ANKRD11: variants seen among roughly 807,000 people sequenced by gnomAD.
ANKRD11 encodes ankyrin repeat domain 11.
In ANKRD11, 17 loss-of-function variants were observed where a neutral mutation model predicts 195.7. The observed-to-expected ratio is 0.09, with a 90% confidence interval of 0.06 to 0.13. The LOEUF (loss-of-function observed/expected upper bound fraction) is 0.13. Ranked by LOEUF, ANKRD11 falls within the 10% of genes least tolerant of loss-of-function variation. The probability of loss-of-function intolerance (pLI) is 1.00; values close to 1 mark genes in which losing one functional copy is unlikely to be tolerated. For missense variants in ANKRD11, 3,735 were observed against 3,566.1 expected (o/e 1.05, Z -1.21); for synonymous variants, 1,953 against 1,528.1 (o/e 1.28, Z -6.49).
intron 3 of ANKRD11, among the ~76,000 whole-genome samples, chr16:89,309,000 G>A (rs1211890554): frequency 1.3e-5 from 2 of 152,210 alleles, no homozygotes; most frequent in African/African-American, 2.4e-5. Flanking sequence ...TCTGGAATAA[G>A]ACTGGGCTCA....
chr16:89,435,702 G>C (rs2043185472), intron 1 of ANKRD11, among the ~76,000 whole-genome samples: 1 of 150,992 alleles, frequency 6.6e-6, no homozygotes, highest in South Asian at 2.1e-4. Context: ...TTCACACGCA[G>C]ACGTACTTTC....
At chr16:89,320,625 G>A (rs897775434) in intron 2 of ANKRD11, among the ~76,000 whole-genome samples, 2 of 152,032 alleles carry the variant, frequency 1.3e-5, no homozygotes, top group Admixed American at 1.3e-4. Flanking sequence ...AGGGTGGTGG[G>A]AGTCCCCCAC....
rs181474679 is a variant in ANKRD11, at chr16:89,473,289, C to G, written c.-145+16956G>C. Among the ~76,000 whole-genome samples, 83 of 152,274 alleles carry G rather than the reference C, an allele frequency of 5.5e-4. 1 individual carries two copies. The highest frequency in any genetic ancestry group is 1.9e-3 in the African/African-American group (80 of 41,564). On this transcript the variant is annotated intron_variant, in intron 1 of 12. Coordinates refer to ENST00000301030, the MANE Select transcript of ANKRD11 (RefSeq NM_013275.6). ...GCAGGAAGCAAAGACCTCAAGAACT[C>G]TGATGAGTCCATACTTACTACTGAA...
intron 2 of ANKRD11, among the ~76,000 whole-genome samples, chr16:89,349,981 A>G (rs540848958): frequency 6.6e-6 from 1 of 152,270 alleles, no homozygotes; most frequent in African/African-American, 2.4e-5. Flanking sequence ...AAAAATCAGC[A>G]GACAACCCGA....
intron 2 of ANKRD11, among the ~76,000 whole-genome samples, chr16:89,404,099 C>G (rs1005275956): frequency 6.6e-6 from 1 of 152,190 alleles, no homozygotes; most frequent in Non-Finnish European, 1.5e-5. Flanking sequence ...AAGCTGCTAG[C>G]CCGGCACATG....
chr16:89,424,974 G>C (rs1297613111), intron 1 of ANKRD11, among the ~76,000 whole-genome samples: 1 of 152,004 alleles, frequency 6.6e-6, no homozygotes, highest in East Asian at 1.9e-4. Context: ...GTTCTATTAA[G>C]GCCACAGTTC....
intron 1 of ANKRD11, among the ~76,000 whole-genome samples, chr16:89,432,242 C>T (rs1597385530): frequency 8.1e-6 from 1 of 123,802 alleles, no homozygotes; most frequent in East Asian, 2.4e-4. Context: ...GCAGTACACA[C>T]ACACACACAC....
In ANKRD11 at chr16:89,279,884, C is replaced by T; in HGVS notation, c.6658G>A (p.Ala2220Thr). 6.3e-7 allele frequency: 1 copy of T among 1,596,936 alleles called. No homozygotes were observed. The highest frequency in any genetic ancestry group is 8.5e-7 in the Non-Finnish European group (1 of 1,173,346). ...TCCGGCACCGTCTCCGCCTCCACCG[C>T]AGCTTCTAGAGCCACGTCCAGCTTT... is the stretch of plus-strand genomic sequence containing the variant. The part of the protein sequence containing the change: ...EPKLDVALEA[A>T]VEAETVPEER... Residue 2220 changes from alanine (A) to threonine (T), a missense_variant, in exon 9 of 13, where the codon GCG (alanine) becomes ACG (threonine). Ala to Thr is a moderately conservative substitution (Grantham distance 58). Transcript: ENST00000301030. The surrounding 1 kb of genome is among the most constrained non-coding windows in gnomAD (Gnocchi z 5.6).
At chr16:89,431,242 A>T (rs2042964711) in intron 1 of ANKRD11, 1 of 152,474 alleles carries the variant, frequency 6.6e-6, no homozygotes, top group Non-Finnish European at 1.5e-5. Context: ...TGGATGGACA[A>T]CATCTTTACC....
intron 1 of ANKRD11, among the ~76,000 whole-genome samples, chr16:89,422,781 T>C (rs993314185): frequency 7.9e-5 from 12 of 152,210 alleles, no homozygotes; most frequent in African/African-American, 2.9e-4. Flanking sequence ...TTTATTACAG[T>C]CTCCCTTTTC....
intron 3 of ANKRD11, among the ~76,000 whole-genome samples, chr16:89,312,949 G>A (rs894574506): frequency 3.9e-5 from 6 of 152,226 alleles, no homozygotes; most frequent in Non-Finnish European, 8.8e-5. Context: ...CAGACCAGAT[G>A]TGAGTCTGTA....
At chr16:89,472,655 A>G (rs1226384679) in intron 1 of ANKRD11, among the ~76,000 whole-genome samples, 1 of 152,184 alleles carries the variant, frequency 6.6e-6, no homozygotes, top group Admixed American at 6.5e-5. Context: ...GGCTGTGCAC[A>G]CCGTTTAAAT....
chr16:89,422,139 A>T (rs2042538095), intron 1 of ANKRD11: 1 of 152,098 alleles, frequency 6.6e-6, no homozygotes, highest in Non-Finnish European at 1.5e-5. Flanking sequence ...TAATACAATC[A>T]ACGGGTAAAA....
At chr16:89,483,430 G>A (rs950212817) in intron 1 of ANKRD11, among the ~76,000 whole-genome samples, 1 of 152,218 alleles carries the variant, frequency 6.6e-6, no homozygotes, top group African/African-American at 2.4e-5. Flanking sequence ...CATTTTACCT[G>A]AACTGTAAGT....
At chr16:89,486,496 C>T (rs1047523775) in intron 1 of ANKRD11, among the ~76,000 whole-genome samples, 1 of 150,458 alleles carries the variant, frequency 6.6e-6, no homozygotes, top group African/African-American at 2.5e-5. Flanking sequence ...TACACTAAGA[C>T]GCAAAGGCTG....
In ANKRD11 at chr16:89,284,268, C is replaced by G. The variant is rs1412312711; in HGVS notation, c.2274G>C (p.Leu758=). 2 of 1,613,918 alleles carry G rather than the reference C, an allele frequency of 1.2e-6. No homozygotes were observed. The highest frequency in any genetic ancestry group is 8.5e-7 in the Non-Finnish European group (1 of 1,180,010). ...TCTTTCTCTCCTCTTTGTACAGTCT[C>G]AGTTTTTCTTCTTTCGGAGACTTTT... The part of the protein sequence containing the change: ...LKEKSPKEEK[L]RLYKEERKKK... The change falls in exon 9 of 13, where the codon CTG becomes CTC. Residue 758 remains leucine, a synonymous_variant. Transcript: ENST00000301030.
At chr16:89,278,696 C>G (rs766826510) in intron 9 of ANKRD11, 1 of 485,184 alleles carries the variant, frequency 2.1e-6, no homozygotes, top group Non-Finnish European at 4.0e-6. Flanking sequence ...GGGGGCGGGG[C>G]AGGGGCAGGA....
intron 1 of ANKRD11, among the ~76,000 whole-genome samples, chr16:89,476,718 A>G (rs1468400830): frequency 6.6e-6 from 1 of 152,230 alleles, no homozygotes; most frequent in Non-Finnish European, 1.5e-5. Context: ...CTAGAGGTAT[A>G]CTACACTTCC....
rs542078381 is a variant in ANKRD11 at position 89,333,367 on chromosome 16, A to G, written c.-59-16289T>C. The stretch of plus-strand genomic sequence containing the variant: ...TTACAGCTGAGACCCCCCTGGACAC[A>G]GCATCATCACCCACAGGCCGCACGA... On this transcript the variant is annotated intron_variant, in intron 2 of 12. Transcript: ENST00000301030. Among the ~76,000 whole-genome samples, 17 of 152,328 alleles carry G rather than the reference A, an allele frequency of 1.1e-4. No homozygotes were observed. In the South Asian group the frequency reaches 3.3e-3, roughly 30 times the overall value.
Sources: gnomAD v4.1 joint callset for allele counts (sites outside exome capture counted in the v4.1 genomes callset) on GRCh38, gnomAD v4.1.1 for gene constraint, Gnocchi (gnomAD v3.1) non-coding constraint, MANE v1.5 for transcripts, NCBI Gene and HGNC (gene_info 2026-07-23, HGNC 2026-07-21) for gene names.